The following ABCC10 variants were observed in gnomAD, a reference collection of about 807,000 sequenced individuals.
The protein encoded by ABCC10 is ATP binding cassette subfamily C member 10.
Under a neutral mutation model 143.2 loss-of-function variants are expected in ABCC10, and 110 were observed. The ratio of observed to expected loss-of-function variants is 0.77; its 90% CI spans 0.66 to 0.90. ABCC10 has a LOEUF of 0.90. Among genes scored for constraint, ABCC10 ranks in the 40% least tolerant of loss-of-function variants. ABCC10 has a pLI of 0.00. For synonymous variants in ABCC10, 805 were observed against 846.7 expected (o/e 0.95, Z 0.85); for missense variants, 1,700 against 1,900.5 (o/e 0.89, Z 1.96).
chr6:43,429,700 C>T (rs1478230820), intron 2 of ABCC10, among the ~76,000 whole-genome samples: 2 of 152,090 alleles, frequency 1.3e-5, no homozygotes, highest in Admixed American at 6.6e-5. Flanking sequence ...GCCAACGTGG[C>T]AGAATGCCAT....
chr6:43,451,079 A>C (rs777197666), downstream of ABCC10: 1 of 1,614,248 alleles, frequency 6.2e-7, no homozygotes, highest in Admixed American at 1.7e-5. This position sits in a 1 kb window ranked among gnomAD's most constrained non-coding sequence, Gnocchi z 4.4. Flanking sequence ...AGCGTCCAGC[A>C]AAGCCCTCAG....
At position 43,427,650 on chromosome 6, in the gene ABCC10, A is replaced by C; in HGVS notation, c.-119A>C. On this transcript the variant is annotated 5_prime_UTR_variant, in exon 1 of 22. Transcript: ENST00000372530. Reference sequence around the variant, plus strand: ...CGGGCAGTACTTTTTTTTTTTTTGCATACACCAGTTCTCAGGATATCGGAA... The same window carrying C: ...CGGGCAGTACTTTTTTTTTTTTTGCCTACACCAGTTCTCAGGATATCGGAA... 1.3e-5 allele frequency: 5 copies of C among 384,300 alleles called. No homozygotes were observed. The highest frequency in any genetic ancestry group is 1.5e-5 in the Non-Finnish European group (3 of 206,858). 23.8% of individuals were successfully genotyped at this position (384,300 alleles called of 1,614,324 possible). A position where few individuals can be genotyped will look rare whatever the true frequency, so the allele number is the denominator to read the frequency against.
Position 43,449,930 on chromosome 6 carries a change from C to T in ABCC10, c.4318C>T (p.Leu1440Phe), listed in dbSNP as rs767651062. 1 of 1,614,058 alleles carries T rather than the reference C, an allele frequency of 6.2e-7. No homozygotes were observed. Among genetic ancestry groups the T allele is most frequent in the Admixed American group, 1.7e-5 (1 of 60,016 alleles). ...CACTGACCATCTTCCCCCTCACAGG[C>T]TCAACACGATCCTGAACTCAGACCG... The part of the protein sequence containing the change: ...NKTVLTIAHR[L>F]NTILNSDRVL... Residue 1440 changes from leucine (L) to phenylalanine (F), a missense_variant and splice_region_variant, in exon 22 of 22, where the codon CTC becomes TTC. By Grantham distance (22) the Leu-to-Phe change is conservative (BLOSUM62 0). Transcript: ENST00000372530.
At chr6:43,437,453 A>G (rs1369970736) in intron 6 of ABCC10, among the ~76,000 whole-genome samples, 2 of 151,052 alleles carry the variant, frequency 1.3e-5, no homozygotes, top group Non-Finnish European at 3.0e-5. Context: ...AAAAAAAAAA[A>G]AAAAGGTAAA....
Position 43,443,234 on chromosome 6 carries a change from G to A in ABCC10, c.2416+75G>A. The stretch of plus-strand genomic sequence containing the variant: ...CAGGGGATTGTGAAGTACAGACTCT[G>A]CCCCCTGCTGCATGTGTGCCCTGAG... On this transcript the variant is annotated intron_variant, in intron 10 of 21. Coordinates refer to ENST00000372530, the MANE Select transcript of ABCC10 (RefSeq NM_001198934.2). The surrounding 1 kb of genome is among the most constrained non-coding windows in gnomAD (Gnocchi z 4.2). 1 of 1,399,650 alleles carries A rather than the reference G, an allele frequency of 7.1e-7. No homozygotes were observed. The highest frequency in any genetic ancestry group is 9.4e-7 in the Non-Finnish European group (1 of 1,059,632). The allele number at this position is 1,399,650 out of a possible 1,614,324, so 86.7% of individuals were successfully genotyped here.
intron 2 of ABCC10, among the ~76,000 whole-genome samples, chr6:43,428,485 C>A (rs528873670): frequency 6.6e-6 from 1 of 152,260 alleles, no homozygotes; most frequent in Non-Finnish European, 1.5e-5. Flanking sequence ...ATTGGGGGAA[C>A]AACGTTTTTA....
In ABCC10 at chr6:43,434,586, CCACTT is replaced by C. The variant is rs758874856; in HGVS notation, c.1381-31_1381-27del. On this transcript the variant is annotated intron_variant, in intron 3 of 21. Transcript: ENST00000372530. The stretch of plus-strand genomic sequence containing the variant: ...CAGGGAAGACACATGAGCAGTGCCT[CCACTT>C]CACGCCTCTCCCTTGTCTCCTTTCC... The C allele has an allele frequency of 7.0e-6, 11 of 1,580,556 alleles. No homozygotes were observed. The Admixed American group carries it at 1.9e-4, about 27-fold the overall frequency.
At chr6:43,431,326 T>C (rs980113087) in intron 2 of ABCC10, among the ~76,000 whole-genome samples, 14 of 151,588 alleles carry the variant, frequency 9.2e-5, no homozygotes, top group African/African-American at 9.8e-5. Context: ...AAAATGAATA[T>C]GTACCCTTTA....
chr6:43,444,344 C>A lies in ABCC10; in HGVS notation c.2680C>A (p.Leu894Ile). 6.2e-7 allele frequency: 1 copy of A among 1,606,572 alleles called. No homozygotes were observed. The highest frequency in any genetic ancestry group is 8.5e-7 in the Non-Finnish European group (1 of 1,176,796). ...LALAILFSLLLMQATRNAADW... is the reference protein window; with the variant it reads ...LALAILFSLLIMQATRNAADW... The stretch of plus-strand genomic sequence containing the variant: ...CTTAGCCATCCTCTTCTCTCTGCTT[C>A]TCATGCAAGGTGAGAGCGTGCCTGG... Residue 894 changes from leucine (L) to isoleucine (I), a missense_variant, in exon 12 of 22, where the codon CTC becomes ATC. Coordinates refer to ENST00000372530, the MANE Select transcript of ABCC10 (RefSeq NM_001198934.2).
chr6:43,447,431 G>A, intron 17 of ABCC10, 23 bp downstream of exon 17: 1 of 1,608,618 alleles, frequency 6.2e-7, no homozygotes, highest in African/African-American at 1.3e-5. Context: ...CCCCACCCCA[G>A]GCCAAAGCTC....
intron 8 of ABCC10, 96 bp from the exon 9 acceptor site, chr6:43,441,766 A>G (rs1419936807): frequency 2.1e-6 from 2 of 969,348 alleles, no homozygotes; most frequent in Middle Eastern, 3.3e-4. Flanking sequence ...CAAGCTCCCT[A>G]CTTCTCTTGA....
intron 12 of ABCC10, 95 bp downstream of exon 12, chr6:43,444,448 C>T: frequency 7.2e-7 from 1 of 1,388,948 alleles, no homozygotes; most frequent in East Asian, 2.4e-5. Flanking sequence ...CAGAGACTCA[C>T]CAAGCATGGG....
At chr6:43,444,549 CT>C (rs1321153869) in intron 12 of ABCC10, among the ~76,000 whole-genome samples, 196 bp downstream of exon 12, 1 of 152,184 alleles carries the variant, frequency 6.6e-6, no homozygotes, top group Non-Finnish European at 1.5e-5. Flanking sequence ...GTTCTGCCCC[CT>C]AGGTTAGCTC....
At chr6:43,435,171 C>G in intron 4 of ABCC10, 4 of 246,182 alleles carry the variant, frequency 1.6e-5, no homozygotes. Flanking sequence ...TAGCCAAGGC[C>G]AGGTGATGTT....
At chr6:43,447,170 C>T in intron 16 of ABCC10, 78 bp from the exon 17 acceptor site, 1 of 1,504,464 alleles carries the variant, frequency 6.6e-7, no homozygotes, top group Admixed American at 2.0e-5. Context: ...TAAATGCCAG[C>T]AGTCCACAGC....
Position 43,449,465 on chromosome 6 carries a change from C to T in ABCC10, c.4247C>T (p.Thr1416Ile). Residue 1416 changes from threonine to isoleucine, a missense_variant, in exon 21 of 22, where the codon ACA (threonine) becomes ATA (isoleucine). Thr to Ile is a moderately conservative substitution (Grantham distance 89, BLOSUM62 -1). Transcript: ENST00000372530. Reference protein sequence around the residue: ...DEATASVDQKTDQLLQQTICK... With the variant: ...DEATASVDQKIDQLLQQTICK... ...GCCACAGCAAGTGTGGACCAGAAGA[C>T]AGACCAGCTGCTCCAGCAGACCATC... 6.2e-7 allele frequency: 1 copy of T among 1,614,032 alleles called. No homozygotes were observed. Among genetic ancestry groups the T allele is most frequent in the South Asian group, 1.1e-5 (1 of 91,080 alleles).
chr6:43,430,452 C>T (rs1781004636), intron 2 of ABCC10, among the ~76,000 whole-genome samples: 1 of 151,956 alleles, frequency 6.6e-6, no homozygotes, highest in Admixed American at 6.6e-5. Flanking sequence ...AAATAACTGT[C>T]ATCAGGTGGA....
chr6:43,431,940 G>C, intron 2 of ABCC10: 2 of 1,406,688 alleles, frequency 1.4e-6, no homozygotes, highest in Non-Finnish European at 1.8e-6. Flanking sequence ...TAGCTCAGTT[G>C]GTCAGAAAAT....
chr6:43,432,440 C>G lies in ABCC10; in HGVS notation c.460C>G (p.His154Asp). The G allele has an allele frequency of 6.2e-7, 1 of 1,611,820 alleles. No individual in the cohort carries two copies. Among genetic ancestry groups the G allele is most frequent in the Non-Finnish European group, 8.5e-7 (1 of 1,180,028 alleles). The part of the protein sequence containing the change: ...APALVLTVLW[H>D]CQRGTLLPPL... ...AGCCCTAGTGCTGACCGTGTTGTGG[C>G]ATTGCCAGCGAGGCACACTTCTGCC... Residue 154 changes from histidine to aspartate, a missense_variant, in exon 3 of 22, where the codon CAT (histidine) becomes GAT (aspartate). His to Asp is a moderately conservative substitution (Grantham distance 81, BLOSUM62 -1). Coordinates refer to ENST00000372530, the MANE Select transcript of ABCC10 (RefSeq NM_001198934.2).
Sources: gnomAD v4.1 joint callset for allele counts (sites outside exome capture counted in the v4.1 genomes callset) on GRCh38, gnomAD v4.1.1 for gene constraint, Gnocchi (gnomAD v3.1) non-coding constraint, MANE v1.5 for transcripts, NCBI Gene and HGNC (gene_info 2026-07-23, HGNC 2026-07-21) for gene names.